The following TRAK1 variants were observed in gnomAD, a reference collection of about 807,000 sequenced individuals.
TRAK1 encodes the protein trafficking kinesin-binding protein 1.
TRAK1 carries 33 observed loss-of-function variants against 92.1 expected under a neutral mutation model. That is an observed-to-expected ratio of 0.36 (90% CI 0.27 to 0.48). The LOEUF is 0.48. Among genes scored for constraint, TRAK1 ranks in the 20% least tolerant of loss-of-function variants. The pLI, the probability that TRAK1 is intolerant of heterozygous loss-of-function variation, is 0.99. For synonymous variants in TRAK1, 521 were observed against 517.3 expected (o/e 1.01, Z -0.10); for missense variants, 1,123 against 1,257.9 (o/e 0.89, Z 1.62).
chr3:42,219,364 C>A, intron 14 of TRAK1, 130 bp from the exon 15 acceptor site: 1 of 1,562,604 alleles, frequency 6.4e-7, no homozygotes, highest in Non-Finnish European at 8.7e-7. Context: ...TGCGTTTCAC[C>A]TTCCTCGCCC....
chr3:42,086,519 A>G (rs1220963008), upstream of TRAK1, among the ~76,000 whole-genome samples: 1 of 151,576 alleles, frequency 6.6e-6, no homozygotes, highest in Non-Finnish European at 1.5e-5. Flanking sequence ...GTTTCACCAT[A>G]TTGGCCAGGC....
At chr3:42,059,903 G>A (rs1703355328) in intron 1 of TRAK1, among the ~76,000 whole-genome samples, 1 of 152,030 alleles carries the variant, frequency 6.6e-6, no homozygotes. Context: ...ATTATATAAA[G>A]TAATATACTT....
chr3:42,194,446 A>G (rs1706303496), intron 9 of TRAK1, among the ~76,000 whole-genome samples: 1 of 151,072 alleles, frequency 6.6e-6, no homozygotes, highest in Non-Finnish European at 1.5e-5. Context: ...CATGTCGCCC[A>G]GGCTGGTCTC....
chr3:42,191,075 A>G (rs1705657385), intron 6 of TRAK1, among the ~76,000 whole-genome samples: 1 of 152,148 alleles, frequency 6.6e-6, no homozygotes, highest in Non-Finnish European at 1.5e-5. Context: ...AAGCTTGAAC[A>G]CAGCAGGTTT....
intron 1 of TRAK1, among the ~76,000 whole-genome samples, chr3:42,016,955 T>G (rs1292916798): frequency 6.6e-6 from 1 of 152,142 alleles, no homozygotes; most frequent in Non-Finnish European, 1.5e-5. Flanking sequence ...CTGTGACCCT[T>G]GGTTTTGAAA....
intron 2 of TRAK1, among the ~76,000 whole-genome samples, chr3:42,143,950 CT>C (rs142972025): frequency 0.015 from 2,357 of 152,290 alleles, 54 homozygotes; most frequent in African/African-American, 0.054. Context: ...AAAATCACCC[CT>C]AAATGATGCT....
rs141436230 is a variant in TRAK1, at chr3:42,021,349, T to C, written c.-519+7232T>C. Among the ~76,000 whole-genome samples, 573 of 152,330 alleles carry C rather than the reference T, an allele frequency of 3.8e-3. 17 individuals carry two copies. Among genetic ancestry groups the C allele is most frequent in the Admixed American group, 0.032 (497 of 15,298 alleles). On this transcript the variant is annotated intron_variant, in intron 1 of 16. Coordinates refer to the TRAK1 transcript ENST00000487159. ...CAGAATACTATGGGAATTGTACAGT[T>C]GTACAATTGCTTTATGTACCTGAGT...
intron 2 of TRAK1, among the ~76,000 whole-genome samples, chr3:42,143,068 A>G (rs1261930383): frequency 6.6e-6 from 1 of 152,250 alleles, no homozygotes; most frequent in African/African-American, 2.4e-5. Flanking sequence ...TCTGGGCACC[A>G]GAATGTTGAC....
intron 15 of TRAK1, among the ~76,000 whole-genome samples, chr3:42,221,175 C>T (rs1468482064): frequency 6.6e-6 from 1 of 151,166 alleles, no homozygotes; most frequent in Non-Finnish European, 1.5e-5. Context: ...CAAAATCTCC[C>T]TAGGGATGGC....
intron 1 of TRAK1, among the ~76,000 whole-genome samples, chr3:42,074,581 A>G (rs1311150866): frequency 6.6e-6 from 1 of 152,006 alleles, no homozygotes; most frequent in Non-Finnish European, 1.5e-5. Flanking sequence ...TTCTAGGGTG[A>G]TTGTTCCTCA....
intron 15 of TRAK1, among the ~76,000 whole-genome samples, chr3:42,221,679 A>G (rs1320054920): frequency 6.6e-6 from 1 of 152,184 alleles, no homozygotes; most frequent in Admixed American, 6.5e-5. Context: ...TGGCAGCCCC[A>G]GCAAAATCCT....
chr3:42,126,575 G>A (rs1343732708), intron 2 of TRAK1, among the ~76,000 whole-genome samples: 1 of 152,072 alleles, frequency 6.6e-6, no homozygotes, highest in East Asian at 1.9e-4. Flanking sequence ...TGCCTTTTTA[G>A]AAGTAATTTC....
At chr3:42,094,004 G>A (rs577600814) in intron 1 of TRAK1, among the ~76,000 whole-genome samples, 141 of 151,576 alleles carry the variant, frequency 9.3e-4, no homozygotes, top group African/African-American at 3.1e-3. Flanking sequence ...GTGCCTGGCC[G>A]AAACAAGCTT....
At chr3:42,141,917 C>G (rs1426116072) in intron 2 of TRAK1, among the ~76,000 whole-genome samples, 3 of 152,134 alleles carry the variant, frequency 2.0e-5, no homozygotes, top group African/African-American at 7.2e-5. Flanking sequence ...AAGCAGATCA[C>G]TTCAGGTCAG....
In TRAK1 at chr3:42,091,491, G is replaced by C; in HGVS notation, c.22G>C (p.Gly8Arg). The C allele has an allele frequency of 6.2e-7, 1 of 1,613,350 alleles. No homozygotes were observed. The highest frequency in any genetic ancestry group is 8.5e-7 in the Non-Finnish European group (1 of 1,179,770). The stretch of plus-strand genomic sequence containing the variant: ...GCACATGGCATTGGTTTTTCAATTC[G>C]GGCAGCCCGTCAGGGCTCAGCCTCT... MALVFQF[G>R]QPVRAQPLPG... The change falls in exon 1 of 16, where the codon GGG (glycine) becomes CGG (arginine). Residue 8 changes from glycine (G) to arginine (R), a missense_variant. Coordinates refer to ENST00000327628, the MANE Select transcript of TRAK1 (RefSeq NM_001042646.3).
intron 2 of TRAK1, chr3:42,151,445 A>AT (rs1432921525): frequency 2.3e-6 from 1 of 437,850 alleles, no homozygotes; most frequent in East Asian, 7.3e-5. Context: ...AAATATATTG[A>AT]TTTATTTATT....
In TRAK1 at chr3:42,059,115, G is replaced by C. The variant is rs539412604; in HGVS notation, c.-518-27989G>C. Among the ~76,000 whole-genome samples, 13 of 151,264 alleles carry C rather than the reference G, an allele frequency of 8.6e-5. 1 individual carries two copies. In the South Asian group the frequency reaches 2.7e-3, roughly 32 times the overall value. On this transcript the variant is annotated intron_variant, in intron 1 of 16. Coordinates refer to the TRAK1 transcript ENST00000487159. ...GGGAACTTTTTTTTTTTCCTTTTGA[G>C]ACAGGGTCTTGTTCTGTTGCCCAGG...
At chr3:42,146,955 T>C (rs1699402336) in intron 2 of TRAK1, among the ~76,000 whole-genome samples, 1 of 152,212 alleles carries the variant, frequency 6.6e-6, no homozygotes, top group Admixed American at 6.5e-5. Flanking sequence ...TAGGAGTTTG[T>C]TGTTAACTAT....
chr3:42,038,588 C>G (rs953919580), intron 1 of TRAK1, among the ~76,000 whole-genome samples: 12 of 151,930 alleles, frequency 7.9e-5, no homozygotes, highest in Admixed American at 3.9e-4. Context: ...GAGTTCGAGA[C>G]CAGCCTGGCC....
Sources: gnomAD v4.1 joint callset for allele counts (sites outside exome capture counted in the v4.1 genomes callset) on GRCh38, gnomAD v4.1.1 for gene constraint, MANE v1.5 for transcripts, NCBI Gene and HGNC (gene_info 2026-07-23, HGNC 2026-07-21) for gene names.